The following CERS1 variants were observed in gnomAD, a reference collection of about 807,000 sequenced individuals.
CERS1 encodes ceramide synthase 1.
Under a neutral mutation model 35.7 loss-of-function variants are expected in CERS1, and 16 were observed. The ratio of observed to expected loss-of-function variants is 0.45; its 90% confidence interval spans 0.30 to 0.68. The LOEUF is 0.68. CERS1 is among the 30% of genes least tolerant of loss of function. CERS1 has a pLI of 0.08. For synonymous variants in CERS1, 243 were observed against 201.6 expected, an observed-to-expected ratio of 1.21 and a Z score of -1.74; for missense variants, 454 against 453.9, an observed-to-expected ratio of 1.00 and a Z score of 0.00.
chr19:18,878,442 G>A lies in CERS1; in HGVS notation c.1010+488C>T, dbSNP rs188033775. 8 of 990,322 alleles carry A rather than the reference G, an allele frequency of 8.1e-6. No individual in the cohort carries two copies. In the African/African-American group the frequency reaches 1.4e-4, roughly 17 times the overall value. 61.3% of individuals were successfully genotyped at this position (990,322 alleles called of 1,614,324 possible). A position where few individuals can be genotyped will look rare whatever the true frequency, so the allele number is the denominator to read the frequency against. ...CCAGCCCCAGCTCCTGTTTGGCCGGGCAGTGGGCTCCCCTGTCAAACTCAG... is the reference window on the plus strand; with the variant it reads ...CCAGCCCCAGCTCCTGTTTGGCCGGACAGTGGGCTCCCCTGTCAAACTCAG... On this transcript the variant is annotated intron_variant, in intron 6 of 7. Coordinates refer to ENST00000623882, the MANE Select transcript of CERS1 (RefSeq NM_021267.5). This position sits in a 1 kb window ranked among gnomAD's most constrained non-coding sequence, Gnocchi z 4.6.
rs76932323 is a variant in CERS1 at position 18,887,983 on chromosome 19, C to T, written c.410-3716G>A. ...CTATGAGTGGGATGACTGTAGGAAC[C>T]TCATATAAGTGGAATCACATAGTAT... On this transcript the variant is annotated intron_variant, in intron 2 of 7. Coordinates refer to ENST00000623882, the MANE Select transcript of CERS1 (RefSeq NM_021267.5). 7.3e-3 allele frequency among the ~76,000 whole-genome samples: 1,107 copies of T among 152,194 alleles called. 14 individuals are homozygous for T. Among genetic ancestry groups the T allele is most frequent in the African/African-American group, 0.025 (1,057 of 41,514 alleles).
chr19:18,874,341 T>C (rs1275881711), intron 6 of CERS1, among the ~76,000 whole-genome samples: 2 of 152,206 alleles, frequency 1.3e-5, no homozygotes, highest in African/African-American at 4.8e-5. Flanking sequence ...TCTTGCTCTG[T>C]TACCGCAGCT....
At chr19:18,894,541 G>C (rs1273478427) in intron 1 of CERS1, among the ~76,000 whole-genome samples, 1 of 152,118 alleles carries the variant, frequency 6.6e-6, no homozygotes, top group Non-Finnish European at 1.5e-5. Flanking sequence ...CTCGGCCCTG[G>C]TAGTCTACCA....
In CERS1 at chr19:18,884,165, G is replaced by C; in HGVS notation, c.512C>G (p.Thr171Ser). 6.2e-7 allele frequency: 1 copy of C among 1,613,758 alleles called. No homozygotes were observed. Among genetic ancestry groups the C allele is most frequent in the Non-Finnish European group, 8.5e-7 (1 of 1,179,846 alleles). Residue 171 changes from threonine to serine, a missense_variant, in exon 3 of 8, where the codon ACC becomes AGC. Coordinates refer to ENST00000623882, the MANE Select transcript of CERS1 (RefSeq NM_021267.5). Reference sequence around the variant, plus strand: ...CATGACCACCGAGTCCTTGCGCCAGGTGTCCATGTATAGCGTAGCGTAGAT... The same window carrying C: ...CATGACCACCGAGTCCTTGCGCCAGCTGTCCATGTATAGCGTAGCGTAGAT... ...HSIYATLYMDTWRKDSVVMLL... is the reference protein window; with the variant it reads ...HSIYATLYMDSWRKDSVVMLL...
rs2056609290 is a variant in CERS1, at chr19:18,895,734, G to C, written c.249+90C>G. 2 of 690,640 alleles carry C rather than the reference G, an allele frequency of 2.9e-6. No individual in the cohort carries two copies. The highest frequency in any genetic ancestry group is 5.5e-5 in the Admixed American group (1 of 18,268). 42.8% of individuals were successfully genotyped at this position (690,640 alleles called of 1,614,324 possible). A position where few individuals can be genotyped will look rare whatever the true frequency, so the allele number is the denominator to read the frequency against. ...CCTTCATCCGCAGCAGCCAGCGCTGGAAGAAAGGAACGCGCCGGCGGCCCC... is the reference window on the plus strand; with the variant it reads ...CCTTCATCCGCAGCAGCCAGCGCTGCAAGAAAGGAACGCGCCGGCGGCCCC... On this transcript the variant is annotated intron_variant, in intron 1 of 7. Transcript: ENST00000623882. The surrounding 1 kb of genome is among the most constrained non-coding windows in gnomAD (Gnocchi z 6.4).
Position 18,870,612 on chromosome 19 carries a change from G to C in CERS1, c.1018C>G (p.Leu340Val), listed in dbSNP as rs774114834. 41 of 578,038 alleles carry C rather than the reference G, an allele frequency of 7.1e-5. No homozygotes were observed. Among genetic ancestry groups the C allele is most frequent in the Admixed American group, 3.7e-4 (12 of 32,594 alleles). The allele number at this position is 578,038 out of a possible 1,614,324, so 35.8% of individuals were successfully genotyped here. ...TTGTCCTTCACCAGGCCGTTCCTCA[G>C]TGGCTTCCTGGGGGTCAGAACCGGC... is the stretch of plus-strand genomic sequence containing the variant. ...SLKPSKAEKPLRNGLVKDKRF is the reference protein window; with the variant it reads ...SLKPSKAEKPVRNGLVKDKRF Residue 340 changes from leucine to valine, a missense_variant, in exon 7 of 8, where the codon CTG (leucine) becomes GTG (valine). Physicochemically the swap from Leu to Val is conservative, Grantham distance 32 (BLOSUM62 1). Coordinates refer to ENST00000623882, the MANE Select transcript of CERS1 (RefSeq NM_021267.5). This position sits in a 1 kb window ranked among gnomAD's most constrained non-coding sequence, Gnocchi z 5.1.
rs2056171735 is a variant in CERS1, at chr19:18,880,309, T to C, written c.717A>G (p.Ala239=). Residue 239 remains alanine, a synonymous_variant, in exon 4 of 8, where the codon GCA becomes GCG. Coordinates refer to ENST00000623882, the MANE Select transcript of CERS1 (RefSeq NM_021267.5). ...CGAAGCTGAGGCAGCCCAAGTCTGC[T>C]GCCAAGGCATGCAGCCGATGGTAGG... ...GGSYHRLHAL[A]ADLGCLSFGF... The C allele has an allele frequency of 3.9e-6, 6 of 1,552,518 alleles. No individual in the cohort carries two copies. Among genetic ancestry groups the C allele is most frequent in the Non-Finnish European group, 5.2e-6 (6 of 1,148,150 alleles).
intron 3 of CERS1, among the ~76,000 whole-genome samples, chr19:18,880,794 C>T (rs1470582682): frequency 6.6e-6 from 1 of 151,962 alleles, no homozygotes; most frequent in Non-Finnish European, 1.5e-5. Context: ...AACTCCTAGG[C>T]TCAAGTGATC....
chr19:18,872,515 ATTTTTTT>A (rs1006396798), intron 6 of CERS1, among the ~76,000 whole-genome samples: 3 of 125,874 alleles, frequency 2.4e-5, no homozygotes, highest in Admixed American at 1.6e-4. Flanking sequence ...GCCCGGGGTA[ATTTTTTT>A]TTTTTTTTTT....
chr19:18,891,367 G>A (rs1053205159), intron 2 of CERS1, among the ~76,000 whole-genome samples: 1 of 152,100 alleles, frequency 6.6e-6, no homozygotes, highest in African/African-American at 2.4e-5. Context: ...GGTGGTCCTC[G>A]CAGGGCAGAG....
At chr19:18,872,562 C>T (rs972891520) in intron 6 of CERS1, among the ~76,000 whole-genome samples, 6 of 151,094 alleles carry the variant, frequency 4.0e-5, no homozygotes, top group African/African-American at 9.8e-5. Flanking sequence ...GTCCCCCAGG[C>T]GGGAATGCGG....
At chr19:18,872,016 T>C (rs1049810196) in intron 6 of CERS1, among the ~76,000 whole-genome samples, 2 of 152,242 alleles carry the variant, frequency 1.3e-5, no homozygotes, top group African/African-American at 4.8e-5. Flanking sequence ...CTCACTGTGT[T>C]TTCCAGAGGG....
chr19:18,880,691 G>A (rs918271018), intron 3 of CERS1, among the ~76,000 whole-genome samples: 3 of 151,744 alleles, frequency 2.0e-5, no homozygotes, highest in Non-Finnish European at 4.4e-5. Flanking sequence ...GGCCCAGGGA[G>A]CTCCCTGGAA....
At position 18,879,295 on chromosome 19, in the gene CERS1, G is replaced by A. The variant is rs754503898; in HGVS notation, c.846C>T (p.Phe282=). Residue 282 remains phenylalanine, a synonymous_variant, in exon 5 of 8, where the codon TTC becomes TTT. Transcript: ENST00000623882. ...GCAGCAGCAGGAGCGCATTGAAGAA[G>A]AAGTAGAAGGGGATGTCAGGCACCG... ...LRTVPDIPFY[F]FFNALLLLLT... is the part of the protein sequence containing the mutation. The A allele has an allele frequency of 1.7e-5, 28 of 1,613,152 alleles. No individual in the cohort carries two copies. The Admixed American group carries it at 2.2e-4, about 13-fold the overall frequency.
At chr19:18,880,456 G>C (rs1262305823) in intron 3 of CERS1, 21 bp from the exon 4 acceptor site, 2 of 1,567,416 alleles carry the variant, frequency 1.3e-6, no homozygotes, top group East Asian at 2.3e-5. Context: ...AGCAGGCAGA[G>C]AGGAGAGGGC....
Position 18,878,659 on chromosome 19 carries a change from C to G in CERS1, c.1010+271G>C, listed in dbSNP as rs969125779. The G allele has an allele frequency of 7.8e-7, 1 of 1,280,830 alleles. No homozygotes were observed. Among genetic ancestry groups the G allele is most frequent in the African/African-American group, 1.5e-5 (1 of 65,682 alleles). The allele number at this position is 1,280,830 out of a possible 1,614,324, so 79.3% of individuals were successfully genotyped here. ...CACTCCCGCCACACCAGCCACTAGG[C>G]CTGGCCCTCAGTGTCCCTACCGCTG... On this transcript the variant is annotated intron_variant, in intron 6 of 7. Transcript: ENST00000623882. This position sits in a 1 kb window ranked among gnomAD's most constrained non-coding sequence, Gnocchi z 4.6.
At chr19:18,879,523 C>T in intron 4 of CERS1, 135 bp from the exon 5 acceptor site, 1 of 1,065,556 alleles carries the variant, frequency 9.4e-7, no homozygotes, top group Non-Finnish European at 1.3e-6. Flanking sequence ...GTTTCTACTA[C>T]TGCTCTGTCC....
At chr19:18,886,337 C>T (rs935037826) in intron 2 of CERS1, among the ~76,000 whole-genome samples, 3 of 152,106 alleles carry the variant, frequency 2.0e-5, no homozygotes, top group Admixed American at 1.3e-4. Flanking sequence ...ATCACAAGGT[C>T]AGGAGATCAA....
rs925482243 is a variant in CERS1, at chr19:18,880,284, C to T, written c.742G>A (p.Gly248Ser). 5 of 1,550,350 alleles carry T rather than the reference C, an allele frequency of 3.2e-6. No individual in the cohort carries two copies. The highest frequency in any genetic ancestry group is 4.4e-6 in the Non-Finnish European group (5 of 1,147,050). The change falls in exon 4 of 8, where the codon GGC (glycine) becomes AGC (serine). Residue 248 changes from glycine to serine, a missense_variant. Gly to Ser is a moderately conservative substitution (Grantham distance 56). Coordinates refer to ENST00000623882, the MANE Select transcript of CERS1 (RefSeq NM_021267.5). ...LAADLGCLSFGFSWFWFRLYW... is the reference protein window; with the variant it reads ...LAADLGCLSFSFSWFWFRLYW... The stretch of plus-strand genomic sequence containing the variant: ...CTCCCTACCACTCACCAGCTGAAGC[C>T]GAAGCTGAGGCAGCCCAAGTCTGCT...
Sources: gnomAD v4.1 joint callset for allele counts (sites outside exome capture counted in the v4.1 genomes callset) on GRCh38, gnomAD v4.1.1 for gene constraint, Gnocchi (gnomAD v3.1) non-coding constraint, MANE v1.5 for transcripts, NCBI Gene and HGNC (gene_info 2026-07-23, HGNC 2026-07-21) for gene names.